Variants in DCC observed in about 807,000 individuals in gnomAD.
DCC encodes the protein netrin receptor DCC.
A neutral mutation model predicts 172.5 loss-of-function variants in DCC; 58 were observed. That is an observed-to-expected ratio of 0.34 (90% confidence interval 0.27 to 0.42). The LOEUF (loss-of-function observed/expected upper bound fraction) is 0.42. Among genes scored for constraint, DCC ranks in the 10% least tolerant of loss-of-function variants. The pLI is 1.00. For synonymous variants in DCC, 709 were observed against 644.5 expected, an observed-to-expected ratio of 1.10 and a Z score of -1.52; for missense variants, 1,740 against 1,791.0, an observed-to-expected ratio of 0.97 and a Z score of 0.51.
intron 5 of DCC, among the ~76,000 whole-genome samples, chr18:52,995,946 T>C (rs2041470808): frequency 1.3e-5 from 2 of 151,898 alleles, no homozygotes; most frequent in Non-Finnish European, 2.9e-5. Context: ...TCAAGTGGAC[T>C]CTTTCCTCTA....
At chr18:52,867,386 G>A (rs1011857988) in intron 2 of DCC, among the ~76,000 whole-genome samples, 13 of 152,076 alleles carry the variant, frequency 8.5e-5, no homozygotes, top group Admixed American at 7.9e-4. Context: ...GGATGATGCT[G>A]GCCTCATAAA....
chr18:53,319,189 A>T (rs2057378646), intron 13 of DCC, among the ~76,000 whole-genome samples: 1 of 152,234 alleles, frequency 6.6e-6, no homozygotes, highest in South Asian at 2.1e-4. Flanking sequence ...TGACACCATG[A>T]AGAAACTGCA....
intron 5 of DCC, among the ~76,000 whole-genome samples, chr18:52,957,772 G>A (rs892052484): frequency 6.6e-6 from 1 of 152,108 alleles, no homozygotes; most frequent in Non-Finnish European, 1.5e-5. Context: ...CATGTGCGAA[G>A]AACTCAATAG....
intron 12 of DCC, among the ~76,000 whole-genome samples, chr18:53,263,001 G>A (rs1408946346): frequency 6.6e-6 from 1 of 152,102 alleles, no homozygotes; most frequent in Non-Finnish European, 1.5e-5. Flanking sequence ...GTAAGCATTG[G>A]CAATGAAAGT....
At chr18:52,876,427 T>C (rs2039403785) in intron 2 of DCC, among the ~76,000 whole-genome samples, 1 of 152,250 alleles carries the variant, frequency 6.6e-6, no homozygotes, top group South Asian at 2.1e-4. Flanking sequence ...TTCATATGCA[T>C]AGGCATACAT....
chr18:52,496,773 G>A (rs1454225066), intron 1 of DCC, among the ~76,000 whole-genome samples: 2 of 151,976 alleles, frequency 1.3e-5, no homozygotes, highest in East Asian at 3.9e-4. Context: ...GCTTTGACAG[G>A]CAATACCCAA....
intron 12 of DCC, among the ~76,000 whole-genome samples, chr18:53,301,394 T>A (rs2057140311): frequency 6.6e-6 from 1 of 152,040 alleles, no homozygotes. Flanking sequence ...CGGCTGTGTC[T>A]GGATTCTTTC....
intron 13 of DCC, among the ~76,000 whole-genome samples, chr18:53,307,288 A>G (rs991643245): frequency 2.6e-5 from 4 of 152,208 alleles, no homozygotes; most frequent in African/African-American, 4.8e-5. Context: ...TGAAAAGCCA[A>G]TATCCTATGT....
At chr18:53,459,135 G>C in intron 23 of DCC, 97 bp from the exon 24 acceptor site, 1 of 1,037,954 alleles carries the variant, frequency 9.6e-7, no homozygotes, top group Non-Finnish European at 1.5e-6. Context: ...GAGTCCTTTT[G>C]TTTCCTTTCC....
intron 1 of DCC, among the ~76,000 whole-genome samples, chr18:52,437,834 C>G (rs1378043951): frequency 1.3e-5 from 2 of 152,172 alleles, no homozygotes; most frequent in Non-Finnish European, 2.9e-5. Context: ...TTTAGAACAT[C>G]TTCTTCCTCT....
intron 21 of DCC, among the ~76,000 whole-genome samples, chr18:53,417,817 G>A (rs1228203923): frequency 6.6e-6 from 1 of 151,944 alleles, no homozygotes; most frequent in East Asian, 1.9e-4. Context: ...TTTGTTAATT[G>A]CTTTTAGTTT....
intron 12 of DCC, among the ~76,000 whole-genome samples, chr18:53,270,400 A>G (rs1418678720): frequency 1.3e-5 from 2 of 152,162 alleles, no homozygotes; most frequent in African/African-American, 4.8e-5. Context: ...AAATATTTTC[A>G]TATAGGAAGA....
rs191310488 is a variant in DCC, at chr18:53,234,032, C to A, written c.1911+18435C>A. 4.6e-5 allele frequency among the ~76,000 whole-genome samples: 7 copies of A among 152,252 alleles called. No individual in the cohort carries two copies. In the East Asian group the frequency reaches 1.4e-3, roughly 29 times the overall value. The stretch of plus-strand genomic sequence containing the variant: ...TTGGGAGGCCGAGGAGGGCAGATCA[C>A]CTGAGGTTGGGAGTTCGAGACCAGC... On this transcript the variant is annotated intron_variant, in intron 12 of 28. Transcript: ENST00000442544.
intron 5 of DCC, among the ~76,000 whole-genome samples, chr18:52,939,805 A>G (rs1185494209): frequency 6.6e-6 from 1 of 152,182 alleles, no homozygotes; most frequent in Non-Finnish European, 1.5e-5. Flanking sequence ...CCATGGTCAG[A>G]GGAAAGAATA....
chr18:52,617,457 C>A (rs1166176743), intron 1 of DCC, among the ~76,000 whole-genome samples: 10 of 152,210 alleles, frequency 6.6e-5, no homozygotes, highest in Non-Finnish European at 8.8e-5. Flanking sequence ...ACTACTGAAT[C>A]GCATTGAGAA....
chr18:52,909,150 C>G (rs2039932043), intron 3 of DCC, among the ~76,000 whole-genome samples: 1 of 152,158 alleles, frequency 6.6e-6, no homozygotes. Flanking sequence ...TTAGCGTTCT[C>G]TCATTTCAAA....
intron 5 of DCC, among the ~76,000 whole-genome samples, chr18:52,974,244 T>C (rs1225023294): frequency 6.6e-6 from 1 of 152,226 alleles, no homozygotes; most frequent in Non-Finnish European, 1.5e-5. Context: ...CATCTTCTGA[T>C]ATTGTTCACG....
At chr18:53,407,725 A>G (rs1046483210) in intron 19 of DCC, among the ~76,000 whole-genome samples, 2 of 151,774 alleles carry the variant, frequency 1.3e-5, no homozygotes, top group Non-Finnish European at 2.9e-5. Context: ...GTATGTACAC[A>G]CACATATATC....
chr18:53,435,170 C>G lies in DCC; in HGVS notation c.3190C>G (p.Pro1064Ala), dbSNP rs1209869888. Residue 1064 changes from proline (P) to alanine (A), a missense_variant, in exon 22 of 29, where the codon CCA becomes GCA. By Grantham distance (27) the Pro-to-Ala change is conservative (BLOSUM62 -1). Coordinates refer to ENST00000442544, the MANE Select transcript of DCC (RefSeq NM_005215.4). Reference protein sequence around the residue: ...QGRHGDGGYWPVDTNLIDRST... With the variant: ...QGRHGDGGYWAVDTNLIDRST... ...TCGTCATGGAGATGGAGGTTATTGG[C>G]CAGTTGATACTAATTTGATTGATAG... The G allele has an allele frequency of 1.9e-6, 3 of 1,610,258 alleles. No homozygotes were observed. The highest frequency in any genetic ancestry group is 2.7e-5 in the African/African-American group (2 of 74,732).
Sources: allele counts gnomAD v4.1 joint callset (sites outside exome capture counted in the v4.1 genomes callset), GRCh38; gene constraint gnomAD v4.1.1; transcripts MANE v1.5; gene names NCBI Gene and HGNC (gene_info 2026-07-23, HGNC 2026-07-21).